Variants in ADCY3 observed in about 807,000 individuals in gnomAD.
The protein encoded by ADCY3 is adenylate cyclase type 3.
ADCY3 carries 70 observed loss-of-function variants against 119.4 expected under a neutral mutation model. That is an observed-to-expected ratio of 0.59 (90% CI 0.48 to 0.72). The LOEUF is 0.72. ADCY3 is among the 30% of genes least tolerant of loss of function. The pLI, the probability that ADCY3 is intolerant of heterozygous loss-of-function variation, is 0.00. For synonymous variants in ADCY3, 672 were observed against 621.4 expected, an observed-to-expected ratio of 1.08 and a Z score of -1.21; for missense variants, 1,238 against 1,541.6, an observed-to-expected ratio of 0.80 and a Z score of 3.30.
intron 2 of ADCY3, among the ~76,000 whole-genome samples, chr2:24,888,721 G>A (rs1677346356): frequency 6.6e-6 from 1 of 152,170 alleles, no homozygotes; most frequent in African/African-American, 2.4e-5. Flanking sequence ...CCAAAATGGT[G>A]GAAAGGGCCT....
chr2:24,836,289 C>T (rs1439538405), intron 9 of ADCY3, among the ~76,000 whole-genome samples: 1 of 152,232 alleles, frequency 6.6e-6, no homozygotes, highest in Non-Finnish European at 1.5e-5. Context: ...CCCATCTACC[C>T]TCTTGTTCTA....
chr2:24,820,716 G>C lies in ADCY3; in HGVS notation c.3252+8C>G. 6.2e-7 allele frequency: 1 copy of C among 1,613,956 alleles called. No individual in the cohort carries two copies. The highest frequency in any genetic ancestry group is 8.5e-7 in the Non-Finnish European group (1 of 1,179,920). On this transcript the variant is annotated splice_region_variant and intron_variant, in intron 21 of 21. Transcript: ENST00000679454. Reference sequence around the variant, plus strand: ...CTGAGCACGTGCCAGCTGTGCCACTGGACATACCTGAATGTTGCCCATGAC... The same window carrying C: ...CTGAGCACGTGCCAGCTGTGCCACTCGACATACCTGAATGTTGCCCATGAC...
chr2:24,872,003 G>A lies in ADCY3; in HGVS notation c.825+567C>T, dbSNP rs1389792910. Among the ~76,000 whole-genome samples, 2 of 152,224 alleles carry A rather than the reference G, an allele frequency of 1.3e-5. No homozygotes were observed. Among genetic ancestry groups the A allele is most frequent in the Admixed American group, 1.3e-4 (2 of 15,286 alleles). ...TCCTTCTTCAGCAGTGACCTCAGAT[G>A]GGAAGGTAAGGGAGGGAGGAGCTCC... is the stretch of plus-strand genomic sequence containing the variant. On this transcript the variant is annotated intron_variant, in intron 3 of 21. Transcript: ENST00000679454. The surrounding 1 kb of genome is among the most constrained non-coding windows in gnomAD (Gnocchi z 4.4).
At chr2:24,821,684 G>A (rs373425857) in intron 19 of ADCY3, 44 bp from the exon 20 acceptor site, 18 of 1,603,994 alleles carry the variant, frequency 1.1e-5, no homozygotes, top group South Asian at 1.0e-4. Context: ...GCCGCTCACT[G>A]CAGCAGCCTG....
rs1675967063 is a variant in ADCY3 at position 24,878,348 on chromosome 2, G to T, written c.676-5629C>A. On this transcript the variant is annotated intron_variant, in intron 2 of 21. Coordinates refer to ENST00000679454, the MANE Select transcript of ADCY3 (RefSeq NM_004036.5). This position sits in a 1 kb window ranked among gnomAD's most constrained non-coding sequence, Gnocchi z 4.0. The stretch of plus-strand genomic sequence containing the variant: ...GTTTGCTAACAACCCGTAGGGAAAT[G>T]GGGCTGCTCTAAGTGGGACTGTCGA... Among the ~76,000 whole-genome samples, 1 of 152,092 alleles carries T rather than the reference G, an allele frequency of 6.6e-6. No individual in the cohort carries two copies. The highest frequency in any genetic ancestry group is 6.5e-5 in the Admixed American group (1 of 15,270).
In ADCY3 at chr2:24,834,411, ACACCTGCCCC is replaced by A; in HGVS notation, c.1967+64_1967+73del. On this transcript the variant is annotated intron_variant, in intron 11 of 21. Coordinates refer to ENST00000679454, the MANE Select transcript of ADCY3 (RefSeq NM_004036.5). This position sits in a 1 kb window ranked among gnomAD's most constrained non-coding sequence, Gnocchi z 4.2. ...TCCCCAATGTCAGGCTCCCGCTGAG[ACACCTGCCCC>A]CGCCCCCCGCCCGGCACCACCGCAG... 8.1e-7 allele frequency: 1 copy of A among 1,237,218 alleles called. No individual in the cohort carries two copies. The highest frequency in any genetic ancestry group is 1.1e-6 in the Non-Finnish European group (1 of 885,544). The allele number at this position is 1,237,218 out of a possible 1,614,324, so 76.6% of individuals were successfully genotyped here.
chr2:24,829,615 G>A lies in ADCY3; in HGVS notation c.2172+1094C>T, dbSNP rs535295072. Among the ~76,000 whole-genome samples the A allele has an allele frequency of 3.4e-3, 511 of 151,278 alleles. 3 individuals are homozygous for A. Among genetic ancestry groups the A allele is most frequent in the African/African-American group, 6.0e-3 (246 of 41,146 alleles). ...TTTTTGTATTTTTAGTAGAGACGGG[G>A]TTTCAACTGTGTTAGCCAGGATGAT... On this transcript the variant is annotated intron_variant, in intron 13 of 21. Coordinates refer to ENST00000679454, the MANE Select transcript of ADCY3 (RefSeq NM_004036.5).
At chr2:24,820,624 TCAGGGCCAGGGTGGGAGG>T in intron 21 of ADCY3, 82 bp downstream of exon 21, 1 of 1,560,616 alleles carries the variant, frequency 6.4e-7, no homozygotes. Context: ...GACTTACTGT[TCAGGGCCAGGGTGGGAGG>T]CAGGGGCACG....
chr2:24,820,924 A>G, intron 20 of ADCY3, 76 bp from the exon 21 acceptor site: 1 of 1,567,914 alleles, frequency 6.4e-7, no homozygotes, highest in Admixed American at 1.8e-5. Flanking sequence ...TCTCCTCTCC[A>G]GACCTGTACC....
chr2:24,867,339 G>T (rs975685402), intron 3 of ADCY3, among the ~76,000 whole-genome samples: 1 of 152,238 alleles, frequency 6.6e-6, no homozygotes, highest in Non-Finnish European at 1.5e-5. Flanking sequence ...GAATGTGTCT[G>T]TTCAAAATTC....
At chr2:24,825,176 C>A (rs962951171) in intron 16 of ADCY3, among the ~76,000 whole-genome samples, 1 of 152,050 alleles carries the variant, frequency 6.6e-6, no homozygotes, top group East Asian at 1.9e-4. Flanking sequence ...TTCTAGCAGG[C>A]GCCATTTGGG....
rs958371584 is a variant in ADCY3, at chr2:24,877,535, C to G, written c.676-4816G>C. Among the ~76,000 whole-genome samples, 55 of 152,244 alleles carry G rather than the reference C, an allele frequency of 3.6e-4. 1 individual carries two copies. The highest frequency in any genetic ancestry group is 1.2e-3 in the African/African-American group (51 of 41,528). On this transcript the variant is annotated intron_variant, in intron 2 of 21. Transcript: ENST00000679454. ...ATCTAGAACATCAGACAGAGCAGAC[C>G]AACAGGCAGGAGGAGAGGTGTGAAC...
chr2:24,829,559 T>C (rs1344868649), intron 13 of ADCY3, among the ~76,000 whole-genome samples: 2 of 151,370 alleles, frequency 1.3e-5, no homozygotes, highest in African/African-American at 2.4e-5. Context: ...TAGCTGGGAC[T>C]ACAGGCGCCT....
chr2:24,877,177 C>G (rs1426214270), intron 2 of ADCY3, among the ~76,000 whole-genome samples: 1 of 152,248 alleles, frequency 6.6e-6, no homozygotes, highest in African/African-American at 2.4e-5. Context: ...GTCCTCACAT[C>G]TGTGTCCTCA....
In ADCY3 at chr2:24,857,446, A is replaced by T. The variant is rs577835350; in HGVS notation, c.826-15062T>A. On this transcript the variant is annotated intron_variant, in intron 3 of 21. Coordinates refer to ENST00000679454, the MANE Select transcript of ADCY3 (RefSeq NM_004036.5). ...CGCTAATAGAACTTCCTGCAATCACAGAAATGTTCTGTATCTTTGCTGTCC... is the reference window on the plus strand; with the variant it reads ...CGCTAATAGAACTTCCTGCAATCACTGAAATGTTCTGTATCTTTGCTGTCC... Among the ~76,000 whole-genome samples, 5 of 152,288 alleles carry T rather than the reference A, an allele frequency of 3.3e-5. No individual in the cohort carries two copies. The South Asian group carries it at 1.0e-3, about 31-fold the overall frequency.
intron 2 of ADCY3, among the ~76,000 whole-genome samples, chr2:24,873,483 C>A (rs1306716501): frequency 2.0e-5 from 3 of 152,182 alleles, no homozygotes; most frequent in African/African-American, 7.2e-5. Context: ...TGCCTATTCC[C>A]CATCCCTGGC....
intron 2 of ADCY3, among the ~76,000 whole-genome samples, chr2:24,912,252 CAGG>C (rs1291533788): frequency 1.3e-5 from 2 of 148,456 alleles, no homozygotes; most frequent in Non-Finnish European, 3.0e-5. Context: ...CGCCTGAGCT[CAGG>C]AGTTCAGGCC....
chr2:24,861,646 G>A (rs1230373292), intron 3 of ADCY3, among the ~76,000 whole-genome samples: 1 of 152,196 alleles, frequency 6.6e-6, no homozygotes, highest in Non-Finnish European at 1.5e-5. Context: ...CCTGCACTCA[G>A]CTCCGAAGAC....
At chr2:24,896,689 T>C (rs1263361314) in intron 2 of ADCY3, among the ~76,000 whole-genome samples, 1 of 152,204 alleles carries the variant, frequency 6.6e-6, no homozygotes, top group African/African-American at 2.4e-5. Flanking sequence ...GCCCTGTGCA[T>C]GAGCAGATTG....
Sources: gnomAD v4.1 joint callset for allele counts (sites outside exome capture counted in the v4.1 genomes callset) on GRCh38, gnomAD v4.1.1 for gene constraint, Gnocchi (gnomAD v3.1) non-coding constraint, MANE v1.5 for transcripts, NCBI Gene and HGNC (gene_info 2026-07-23, HGNC 2026-07-21) for gene names.